Variants in TTBK2 observed in about 807,000 individuals in gnomAD.
TTBK2 encodes the protein tau tubulin kinase 2, also known as tau-tubulin kinase 2.
A neutral mutation model predicts 110.8 loss-of-function variants in TTBK2; 28 were observed. The observed-to-expected ratio is 0.25, with a 90% CI of 0.19 to 0.35. TTBK2 has a LOEUF of 0.35. TTBK2 is among the 10% of genes least tolerant of loss of function. The pLI, the probability that TTBK2 is intolerant of heterozygous loss-of-function variation, is 1.00. For synonymous variants in TTBK2, 532 were observed against 527.3 expected (o/e 1.01, Z -0.12); for missense variants, 1,369 against 1,500.3 (o/e 0.91, Z 1.45).
At chr15:42,756,849 T>C (rs866588502) in intron 13 of TTBK2, among the ~76,000 whole-genome samples, 9 of 149,516 alleles carry the variant, frequency 6.0e-5, no homozygotes, top group Admixed American at 1.3e-4. Flanking sequence ...CTGGGCAACA[T>C]AGCAATACCC....
intron 5 of TTBK2, among the ~76,000 whole-genome samples, chr15:42,829,086 C>G (rs1595957932): frequency 6.6e-6 from 1 of 152,260 alleles, no homozygotes; most frequent in East Asian, 1.9e-4. Context: ...ATTTAGTTAG[C>G]ATTTTCATGT....
intron 1 of TTBK2, among the ~76,000 whole-genome samples, chr15:42,890,141 C>A (rs1170680475): frequency 2.0e-5 from 3 of 152,134 alleles, no homozygotes; most frequent in Non-Finnish European, 4.4e-5. Flanking sequence ...ATTCTCCCCA[C>A]CCTTGAGAAT....
At chr15:42,882,506 C>T (rs891963982) in intron 1 of TTBK2, among the ~76,000 whole-genome samples, 3 of 151,572 alleles carry the variant, frequency 2.0e-5, no homozygotes, top group African/African-American at 7.3e-5. Context: ...CCCAGATACT[C>T]AGGAGTCTGA....
chr15:42,815,001 T>C (rs1278212299), intron 7 of TTBK2, among the ~76,000 whole-genome samples: 1 of 152,216 alleles, frequency 6.6e-6, no homozygotes, highest in African/African-American at 2.4e-5. Flanking sequence ...CTATTAGCTA[T>C]TTTGAAAATG....
chr15:42,848,879 T>C (rs1893579112), intron 3 of TTBK2, among the ~76,000 whole-genome samples: 1 of 152,248 alleles, frequency 6.6e-6, no homozygotes. Context: ...CAATTGTTCA[T>C]TGCTAGTACA....
At chr15:42,770,061 T>C (rs540764197) in intron 13 of TTBK2, among the ~76,000 whole-genome samples, 9 of 144,550 alleles carry the variant, frequency 6.2e-5, no homozygotes, top group African/African-American at 2.4e-4. Flanking sequence ...ATGAGAATAC[T>C]TGGACACAGG....
chr15:42,868,783 G>A (rs979391982), intron 3 of TTBK2, among the ~76,000 whole-genome samples: 2 of 151,810 alleles, frequency 1.3e-5, no homozygotes, highest in Non-Finnish European at 2.9e-5. Context: ...GACTGGTTGA[G>A]CCACAGGATC....
At chr15:42,782,065 A>G (rs1890202519) in intron 11 of TTBK2, among the ~76,000 whole-genome samples, 1 of 151,790 alleles carries the variant, frequency 6.6e-6, no homozygotes, top group Admixed American at 6.6e-5. Context: ...GCACTTTTTC[A>G]TGTATATATG....
intron 11 of TTBK2, among the ~76,000 whole-genome samples, chr15:42,780,640 G>T (rs1420981171): frequency 6.6e-6 from 1 of 152,002 alleles, no homozygotes; most frequent in Non-Finnish European, 1.5e-5. Context: ...TTAAAAAACT[G>T]AATAGAAATT....
Position 42,781,375 on chromosome 15 carries a change from T to C in TTBK2, c.1197+2044A>G, listed in dbSNP as rs892879968. Among the ~76,000 whole-genome samples the C allele has an allele frequency of 3.9e-5, 6 of 152,242 alleles. No homozygotes were observed. The South Asian group carries it at 1.0e-3, about 26-fold the overall frequency. On this transcript the variant is annotated intron_variant, in intron 11 of 14. Transcript: ENST00000267890. ...ATAAAAATACAACACACCAAAACTT[T>C]TGCAATACAGTAACAGAGATATTCA... is the stretch of plus-strand genomic sequence containing the variant.
chr15:42,779,701 T>C (rs1458859974), intron 11 of TTBK2, among the ~76,000 whole-genome samples: 2 of 152,062 alleles, frequency 1.3e-5, no homozygotes, highest in Non-Finnish European at 2.9e-5. Flanking sequence ...AATTCAAGGC[T>C]GGGCGCGGTG....
chr15:42,810,939 A>G (rs1382825296), intron 8 of TTBK2, among the ~76,000 whole-genome samples, 200 bp from the exon 9 acceptor site: 1 of 152,202 alleles, frequency 6.6e-6, no homozygotes, highest in African/African-American at 2.4e-5. Flanking sequence ...AGAACGAAAC[A>G]AGTAGCACAG....
chr15:42,840,653 A>G (rs148145554), intron 3 of TTBK2: 35 of 623,806 alleles, frequency 5.6e-5, no homozygotes, highest in African/African-American at 5.5e-4. Context: ...TATTTGAATG[A>G]ATAAATAAAC....
intron 1 of TTBK2, among the ~76,000 whole-genome samples, chr15:42,916,912 A>T (rs1362461653): frequency 6.6e-6 from 1 of 152,192 alleles, no homozygotes; most frequent in Non-Finnish European, 1.5e-5. Flanking sequence ...AAACATATAT[A>T]ATGGCAAATA....
intron 13 of TTBK2, among the ~76,000 whole-genome samples, chr15:42,763,177 TA>T (rs1889154475): frequency 4.9e-5 from 1 of 20,280 alleles, no homozygotes; most frequent in Non-Finnish European, 9.2e-5. Flanking sequence ...TATATATATA[TA>T]TATATATATA....
rs186721970 is a variant in TTBK2, at chr15:42,805,863, A to C, written c.822+4751T>G. Among the ~76,000 whole-genome samples, 10 of 152,352 alleles carry C rather than the reference A, an allele frequency of 6.6e-5. No individual in the cohort carries two copies. The East Asian group carries it at 1.9e-3, about 29-fold the overall frequency. ...CCATGTATTAAAGACAGCAGTGTCA[A>C]TATATGGGCAGAGCCTGGATTTTCA... On this transcript the variant is annotated intron_variant, in intron 9 of 14. Transcript: ENST00000267890.
intron 13 of TTBK2, among the ~76,000 whole-genome samples, chr15:42,774,849 A>G (rs759634094): frequency 3.5e-4 from 54 of 152,250 alleles, no homozygotes; most frequent in Non-Finnish European, 6.3e-4. Flanking sequence ...TAACATATAT[A>G]AACACACATA....
intron 1 of TTBK2, among the ~76,000 whole-genome samples, chr15:42,885,758 C>T (rs898460886): frequency 5.3e-5 from 8 of 152,108 alleles, no homozygotes; most frequent in African/African-American, 1.9e-4. Flanking sequence ...TCTCTTTAAA[C>T]TTGCCTCTTT....
intron 1 of TTBK2, among the ~76,000 whole-genome samples, chr15:42,899,522 C>T (rs1420805781): frequency 3.3e-5 from 5 of 151,960 alleles, no homozygotes; most frequent in East Asian, 2.0e-4. Flanking sequence ...AGGCGGATCA[C>T]GAGGTCAGGA....
Sources: allele counts gnomAD v4.1 joint callset (sites outside exome capture counted in the v4.1 genomes callset), GRCh38; gene constraint gnomAD v4.1.1; transcripts MANE v1.5; gene names NCBI Gene and HGNC (gene_info 2026-07-23, HGNC 2026-07-21).